The following SPATA13 variants were observed in gnomAD, a reference collection of about 807,000 sequenced individuals.
The protein encoded by SPATA13 is spermatogenesis associated 13, also known as spermatogenesis-associated protein 13.
In SPATA13, 50 loss-of-function variants were observed where a neutral mutation model predicts 104.0. That is an observed-to-expected ratio of 0.48 (90% CI 0.38 to 0.61). The LOEUF (loss-of-function observed/expected upper bound fraction) is 0.61, where lower values mean the gene tolerates loss of function less well. Among genes scored for constraint, SPATA13 ranks in the 20% least tolerant of loss-of-function variants. The pLI, the probability that SPATA13 is intolerant of heterozygous loss-of-function variation, is 0.00. For missense variants in SPATA13, 1,524 were observed against 1,690.6 expected (o/e 0.90, Z 1.73); for synonymous variants, 606 against 667.5 (o/e 0.91, Z 1.42).
At chr13:24,028,773 C>T (rs1420413368) in intron 3 of SPATA13, among the ~76,000 whole-genome samples, 4 of 152,154 alleles carry the variant, frequency 2.6e-5, no homozygotes, top group African/African-American at 9.7e-5. Context: ...CTTTACTCAA[C>T]TGTGTGTAAT....
At chr13:24,241,040 A>G (rs543943429) in intron 2 of SPATA13, among the ~76,000 whole-genome samples, 2 of 152,324 alleles carry the variant, frequency 1.3e-5, no homozygotes, top group South Asian at 2.1e-4. Flanking sequence ...ACTGACATGC[A>G]TGTCACCCCA....
chr13:24,149,596 A>G (rs952502995), intron 3 of SPATA13, among the ~76,000 whole-genome samples: 1 of 151,816 alleles, frequency 6.6e-6, no homozygotes, highest in South Asian at 2.1e-4. Flanking sequence ...GCCACCTAAC[A>G]CTCCTAGATC....
intron 2 of SPATA13, among the ~76,000 whole-genome samples, chr13:24,236,436 T>TA (rs1012145416): frequency 4.7e-5 from 7 of 150,152 alleles, no homozygotes; most frequent in Non-Finnish European, 1.0e-4. Flanking sequence ...ACTAAAAATA[T>TA]AAAAAAAAAT....
At chr13:24,061,452 G>T (rs1248147369) in intron 3 of SPATA13, among the ~76,000 whole-genome samples, 1 of 152,080 alleles carries the variant, frequency 6.6e-6, no homozygotes, top group Non-Finnish European at 1.5e-5. Flanking sequence ...CAATAGCAGA[G>T]ACATGGAATC....
At chr13:24,237,769 A>G (rs1872635636) in intron 2 of SPATA13, among the ~76,000 whole-genome samples, 1 of 151,976 alleles carries the variant, frequency 6.6e-6, no homozygotes, top group Non-Finnish European at 1.5e-5. Flanking sequence ...GTCTGAGACC[A>G]GCCTGGGCAA....
At chr13:24,206,707 C>T (rs535696336) in intron 1 of SPATA13, among the ~76,000 whole-genome samples, 7 of 152,194 alleles carry the variant, frequency 4.6e-5, no homozygotes, top group East Asian at 3.9e-4. Flanking sequence ...GCCTGGCTAA[C>T]GTGGTAAAAC....
In SPATA13 at chr13:24,242,603, T is replaced by C. The variant is rs1280425703; in HGVS notation, c.1654-6874T>C. ...TCATCGTAAAATGGGGGTAATTACG[T>C]CTTCTTTGCTTCTTTGAAAATATAA... On this transcript the variant is annotated intron_variant, in intron 2 of 12. Transcript: ENST00000382108. 3.3e-5 allele frequency among the ~76,000 whole-genome samples: 5 copies of C among 152,180 alleles called. No individual in the cohort carries two copies. The East Asian group carries it at 5.8e-4, about 18-fold the overall frequency.
intron 2 of SPATA13, among the ~76,000 whole-genome samples, chr13:24,231,438 C>A (rs150462396): frequency 6.6e-6 from 1 of 152,208 alleles, no homozygotes; most frequent in Admixed American, 6.5e-5. Flanking sequence ...GTGCTTCCTT[C>A]CTTGTTAAGG....
intron 3 of SPATA13, among the ~76,000 whole-genome samples, chr13:24,078,045 A>G (rs1172202245): frequency 6.6e-6 from 1 of 152,074 alleles, no homozygotes; most frequent in Non-Finnish European, 1.5e-5. Flanking sequence ...CCCAGCGTCC[A>G]TGAGTTTTCA....
At chr13:24,054,577 T>C (rs1203483554) in intron 3 of SPATA13, among the ~76,000 whole-genome samples, 1 of 152,228 alleles carries the variant, frequency 6.6e-6, no homozygotes, top group Non-Finnish European at 1.5e-5. Flanking sequence ...GTAGCAGCAA[T>C]TCATAGTTAC....
At chr13:24,242,691 T>C (rs1174251346) in intron 2 of SPATA13, among the ~76,000 whole-genome samples, 1 of 152,196 alleles carries the variant, frequency 6.6e-6, no homozygotes, top group African/African-American at 2.4e-5. Context: ...AACATGTTAT[T>C]CCTTTGGCGT....
intron 3 of SPATA13, among the ~76,000 whole-genome samples, chr13:24,061,871 TA>T (rs1186210963): frequency 4.0e-5 from 6 of 149,346 alleles, no homozygotes; most frequent in African/African-American, 7.4e-5. Context: ...TAAAAGTTTT[TA>T]AAAAAAATTA....
intron 4 of SPATA13, among the ~76,000 whole-genome samples, chr13:24,278,268 C>T (rs955188340): frequency 5.3e-5 from 8 of 152,174 alleles, no homozygotes; most frequent in East Asian, 1.9e-4. Context: ...GCCTGCTGCA[C>T]ACAGCTGTGT....
Position 24,177,859 on chromosome 13 carries a change from A to G in SPATA13, c.-112+16927A>G, listed in dbSNP as rs551062908. Among the ~76,000 whole-genome samples the G allele has an allele frequency of 3.3e-5, 5 of 152,146 alleles. No homozygotes were observed. In the South Asian group the frequency reaches 8.3e-4, roughly 25 times the overall value. Reference sequence around the variant, plus strand: ...TAATCACTTTGGGGATAGGATTTCAACATATGAATTTTTTTTTAATTGGGC... The same window carrying G: ...TAATCACTTTGGGGATAGGATTTCAGCATATGAATTTTTTTTTAATTGGGC... On this transcript the variant is annotated intron_variant, in intron 1 of 12. Transcript: ENST00000382108.
intron 3 of SPATA13, among the ~76,000 whole-genome samples, chr13:24,133,086 A>T (rs372702980): frequency 4.6e-5 from 7 of 152,326 alleles, no homozygotes; most frequent in African/African-American, 1.7e-4. Flanking sequence ...TTAGCAATGG[A>T]TTCCCACGTA....
intron 1 of SPATA13, among the ~76,000 whole-genome samples, chr13:24,173,348 T>G (rs930951879): frequency 7.0e-6 from 1 of 142,864 alleles, no homozygotes; most frequent in Non-Finnish European, 1.5e-5. Context: ...TGGAACTCAC[T>G]CATTAGTTCT....
intron 3 of SPATA13, among the ~76,000 whole-genome samples, chr13:24,026,740 G>T (rs9511002): frequency 0.44 from 66,463 of 151,814 alleles, 15,393 homozygotes; most frequent in Non-Finnish European, 0.52. Context: ...ACCACGTCCA[G>T]CTAATTTTTT....
chr13:24,151,317 C>T (rs962152166), intron 3 of SPATA13, among the ~76,000 whole-genome samples: 2 of 152,156 alleles, frequency 1.3e-5, no homozygotes, highest in Non-Finnish European at 2.9e-5. Context: ...GGGCTGAGGA[C>T]CCGGAACCAT....
At chr13:24,274,828 G>T (rs1008697796) in intron 4 of SPATA13, among the ~76,000 whole-genome samples, 3 of 152,226 alleles carry the variant, frequency 2.0e-5, no homozygotes, top group Admixed American at 2.0e-4. Flanking sequence ...GTGATGCTGG[G>T]TGGGAGATGC....
Sources: allele counts gnomAD v4.1 joint callset (sites outside exome capture counted in the v4.1 genomes callset), GRCh38; gene constraint gnomAD v4.1.1; transcripts MANE v1.5; gene names NCBI Gene and HGNC (gene_info 2026-07-23, HGNC 2026-07-21).